RFLNA: variants seen among roughly 807,000 people sequenced by gnomAD.
RFLNA encodes the protein refilin-A.
RFLNA carries 5 observed loss-of-function variants against 7.8 expected under a neutral mutation model. The ratio of observed to expected loss-of-function variants is 0.64; its 90% confidence interval spans 0.34 to 1.35. The LOEUF (loss-of-function observed/expected upper bound fraction) is 1.35. Among genes scored for constraint, RFLNA ranks in the 40% most tolerant of loss-of-function variants. The pLI is 0.04. For synonymous variants in RFLNA, 141 were observed against 131.3 expected (o/e 1.07, Z -0.50); for missense variants, 278 against 305.5 (o/e 0.91, Z 0.67).
Position 124,314,821 on chromosome 12 carries a change from G to A in RFLNA, c.*296G>A, listed in dbSNP as rs775080916. 6.9e-5 allele frequency: 42 copies of A among 608,900 alleles called. No individual in the cohort carries two copies. Among genetic ancestry groups the A allele is most frequent in the Non-Finnish European group, 1.2e-4 (38 of 325,644 alleles). 37.7% of individuals were successfully genotyped at this position (608,900 alleles called of 1,614,324 possible). A position where few individuals can be genotyped will look rare whatever the true frequency, so the allele number is the denominator to read the frequency against. On this transcript the variant is annotated 3_prime_UTR_variant, in exon 3 of 3. Transcript: ENST00000546355. ...TAGGTGGTGGCCACCCCCAGGGTCA[G>A]GGGAAAAGAATGGGTCCATGGAGTG...
At chr12:124,301,593 C>T (rs2034039781) in intron 1 of RFLNA, among the ~76,000 whole-genome samples, 1 of 152,152 alleles carries the variant, frequency 6.6e-6, no homozygotes. Flanking sequence ...TATTTGTCCA[C>T]CTTGCAGCAA....
At position 124,306,094 on chromosome 12, in the gene RFLNA, C is replaced by T. The variant is rs770899279; in HGVS notation, c.208-5724C>T. Among the ~76,000 whole-genome samples the T allele has an allele frequency of 1.7e-4, 26 of 152,164 alleles. No homozygotes were observed. Among genetic ancestry groups the T allele is most frequent in the Non-Finnish European group, 2.8e-4 (19 of 68,016 alleles). Reference sequence around the variant, plus strand: ...TTGAGGACAGGTATGGGCCCATACTCGGGGCTCTCTGGGTTGGGGCAGGGG... The same window carrying T: ...TTGAGGACAGGTATGGGCCCATACTTGGGGCTCTCTGGGTTGGGGCAGGGG... On this transcript the variant is annotated intron_variant, in intron 1 of 2. Coordinates refer to ENST00000546355, the MANE Select transcript of RFLNA (RefSeq NM_001365156.1). This position sits in a 1 kb window ranked among gnomAD's most constrained non-coding sequence, Gnocchi z 5.2.
chr12:124,296,045 T>A (rs889730397), intron 1 of RFLNA, among the ~76,000 whole-genome samples: 5 of 150,992 alleles, frequency 3.3e-5, no homozygotes, highest in Non-Finnish European at 5.9e-5. Context: ...CCCTGTTTAC[T>A]GTCCGGGCGC....
upstream of RFLNA, among the ~76,000 whole-genome samples, chr12:124,292,919 A>G (rs974941349): frequency 3.9e-5 from 6 of 152,176 alleles, no homozygotes; most frequent in African/African-American, 1.4e-4. Flanking sequence ...GATGAACAAA[A>G]CATCAACATT....
At chr12:124,308,044 C>A (rs993269788) in intron 1 of RFLNA, among the ~76,000 whole-genome samples, 1 of 151,268 alleles carries the variant, frequency 6.6e-6, no homozygotes, top group African/African-American at 2.4e-5. Context: ...TACAGTGGCG[C>A]GATCTCGGCT....
upstream of RFLNA, among the ~76,000 whole-genome samples, chr12:124,291,761 A>G (rs961440586): frequency 1.3e-5 from 2 of 151,438 alleles, no homozygotes; most frequent in Non-Finnish European, 2.9e-5. Context: ...CCTTCCTCGC[A>G]GAGTTGAGCT....
intron 1 of RFLNA, among the ~76,000 whole-genome samples, chr12:124,299,569 T>C (rs1050628482): frequency 1.3e-5 from 2 of 152,238 alleles, no homozygotes; most frequent in Non-Finnish European, 2.9e-5. Context: ...TGCATCCTCA[T>C]AGCTGAGCTC....
chr12:124,305,198 G>A (rs1167728721), intron 1 of RFLNA, among the ~76,000 whole-genome samples: 2 of 152,190 alleles, frequency 1.3e-5, no homozygotes, highest in Non-Finnish European at 2.9e-5. Context: ...CCTCTGTCCA[G>A]GGAGGTACCT....
At chr12:124,311,971 G>C (rs764684959) in intron 2 of RFLNA, 44 bp downstream of exon 2, 10 of 1,045,490 alleles carry the variant, frequency 9.6e-6, no homozygotes, top group Non-Finnish European at 1.4e-5. Context: ...GGGGTGGGGG[G>C]TTGGGTGCTG....
rs1282163550 is a variant in RFLNA at position 124,289,441 on chromosome 12, T to C, written c.-37+71T>C. On this transcript the variant is annotated intron_variant, in intron 1 of 2. Transcript: ENST00000324038. The surrounding 1 kb of genome is among the most constrained non-coding windows in gnomAD (Gnocchi z 5.0). The stretch of plus-strand genomic sequence containing the variant: ...GGGAAAGCCAAGCCAGGACGCTGGG[T>C]GGCAGACCGTTAGAACAGCTTTCAT... 6.6e-6 allele frequency: 1 copy of C among 152,208 alleles called. No individual in the cohort carries two copies. The highest frequency in any genetic ancestry group is 2.4e-5 in the African/African-American group (1 of 41,448). 9.4% of individuals were successfully genotyped at this position (152,208 alleles called of 1,614,324 possible). A position where few individuals can be genotyped will look rare whatever the true frequency, so the allele number is the denominator to read the frequency against.
intron 1 of RFLNA, among the ~76,000 whole-genome samples, chr12:124,302,778 CGAGGTCAGGGGGCCGAGGTCAGGGGCT>C (rs2034060956): frequency 6.7e-6 from 1 of 148,982 alleles, no homozygotes; most frequent in Admixed American, 6.7e-5. Context: ...GGTCAGGGGC[CGAGGTCAGGGGGCCGAGGTCAGGGGCT>C]GAGGTCAGGG....
Position 124,295,482 on chromosome 12 carries a change from G to C in RFLNA, c.53G>C (p.Gly18Ala). The C allele has an allele frequency of 7.9e-7, 1 of 1,267,434 alleles. No homozygotes were observed. Among genetic ancestry groups the C allele is most frequent in the Middle Eastern group, 3.0e-4 (1 of 3,324 alleles). The allele number at this position is 1,267,434 out of a possible 1,614,324, so 78.5% of individuals were successfully genotyped here. ...ATGGAGGACAGCCTGAAGGAGCAGG[G>C]CCGGGAGGGCTTGCTGGACAGCCCC... Reference protein sequence around the residue: ...QGMEDSLKEQGREGLLDSPDS... With the variant: ...QGMEDSLKEQAREGLLDSPDS... Residue 18 changes from glycine (G) to alanine (A), a missense_variant, in exon 1 of 3, where the codon GGC (glycine) becomes GCC (alanine). Gly to Ala is a moderately conservative substitution (Grantham distance 60, BLOSUM62 0). Transcript: ENST00000546355.
At chr12:124,297,900 C>T (rs531463793) in intron 1 of RFLNA, among the ~76,000 whole-genome samples, 1 of 152,228 alleles carries the variant, frequency 6.6e-6, no homozygotes, top group South Asian at 2.1e-4. Flanking sequence ...GGTGTTTAAC[C>T]GCACCCTGCT....
chr12:124,311,249 C>T (rs1003242535), intron 1 of RFLNA, among the ~76,000 whole-genome samples: 1 of 152,218 alleles, frequency 6.6e-6, no homozygotes, highest in Admixed American at 6.5e-5. Context: ...TGGGTAGGCC[C>T]TCCCTGCCCT....
chr12:124,300,131 T>A (rs771267793), intron 1 of RFLNA, among the ~76,000 whole-genome samples: 2 of 152,322 alleles, frequency 1.3e-5, no homozygotes, highest in Non-Finnish European at 2.9e-5. Flanking sequence ...CAGCCTGTTA[T>A]GGGGCAATGG....
chr12:124,293,419 A>G (rs2135668311), upstream of RFLNA, among the ~76,000 whole-genome samples: 1 of 152,242 alleles, frequency 6.6e-6, no homozygotes, highest in East Asian at 1.9e-4. Flanking sequence ...GTGGGTGAGC[A>G]TTTGGGAAAT....
chr12:124,296,106 T>C (rs1407629737), intron 1 of RFLNA, among the ~76,000 whole-genome samples: 2 of 4,018 alleles, frequency 5.0e-4, no homozygotes, highest in African/African-American at 2.8e-4. Context: ...CTTTCTTTCT[T>C]TCTTTCTTTC....
In RFLNA at chr12:124,306,381, G is replaced by A. The variant is rs1282382229; in HGVS notation, c.208-5437G>A. On this transcript the variant is annotated intron_variant, in intron 1 of 2. Coordinates refer to ENST00000546355, the MANE Select transcript of RFLNA (RefSeq NM_001365156.1). This position sits in a 1 kb window ranked among gnomAD's most constrained non-coding sequence, Gnocchi z 5.2. The stretch of plus-strand genomic sequence containing the variant: ...AGCAGCCAGTGCAGCAGGGAACAGC[G>A]GGAACACCGAGGCAGCCTCGGGTCA... 3.3e-5 allele frequency among the ~76,000 whole-genome samples: 5 copies of A among 152,282 alleles called. No individual in the cohort carries two copies. The highest frequency in any genetic ancestry group is 3.4e-3 in the Middle Eastern group (1 of 294).
At chr12:124,303,635 A>T (rs969161185) in intron 1 of RFLNA, among the ~76,000 whole-genome samples, 14 of 152,208 alleles carry the variant, frequency 9.2e-5, no homozygotes, top group Admixed American at 3.9e-4. Flanking sequence ...CAGAGCTTCC[A>T]GGCGGATGCT....
Sources: allele counts gnomAD v4.1 joint callset (sites outside exome capture counted in the v4.1 genomes callset), GRCh38; gene constraint gnomAD v4.1.1; non-coding constraint Gnocchi (gnomAD v3.1); transcripts MANE v1.5; gene names NCBI Gene and HGNC (gene_info 2026-07-23, HGNC 2026-07-21).